The following SLC39A11 variants were observed in gnomAD, a reference collection of about 807,000 sequenced individuals.
The protein encoded by SLC39A11 is zinc transporter ZIP11.
In SLC39A11, 33 loss-of-function variants were observed where a neutral mutation model predicts 36.1. The observed-to-expected ratio is 0.91, with a 90% CI of 0.69 to 1.22. The LOEUF (loss-of-function observed/expected upper bound fraction) is 1.22. SLC39A11 is among the 50% of genes most tolerant of loss of function. The pLI, the probability that SLC39A11 is intolerant of heterozygous loss-of-function variation, is 0.00. For missense variants in SLC39A11, 432 were observed against 430.3 expected, an observed-to-expected ratio of 1.00 and a Z score of -0.03; for synonymous variants, 166 against 170.3, an observed-to-expected ratio of 0.97 and a Z score of 0.20.
At chr17:73,007,875 T>C (rs577625349) in intron 4 of SLC39A11, among the ~76,000 whole-genome samples, 55 of 152,252 alleles carry the variant, frequency 3.6e-4, no homozygotes, top group Middle Eastern at 3.4e-3. Context: ...GGCCGAGGCA[T>C]GTGGATCACC....
intron 5 of SLC39A11, among the ~76,000 whole-genome samples, chr17:72,901,491 A>G (rs1320508988): frequency 6.6e-6 from 1 of 152,172 alleles, no homozygotes; most frequent in Non-Finnish European, 1.5e-5. Context: ...TACGGTACAG[A>G]TGAAAACACC....
chr17:72,834,310 T>A (rs1286025919), intron 6 of SLC39A11, among the ~76,000 whole-genome samples: 1 of 152,172 alleles, frequency 6.6e-6, no homozygotes, highest in Non-Finnish European at 1.5e-5. Flanking sequence ...ACTATGGAAT[T>A]GGACACAGCA....
At chr17:73,053,614 G>C (rs891302013) in intron 3 of SLC39A11, among the ~76,000 whole-genome samples, 1 of 152,194 alleles carries the variant, frequency 6.6e-6, no homozygotes, top group Non-Finnish European at 1.5e-5. Flanking sequence ...GGCTTACAAA[G>C]TCTAGCTAAC....
At chr17:72,790,095 A>G (rs1179845428) in intron 6 of SLC39A11, among the ~76,000 whole-genome samples, 1 of 152,162 alleles carries the variant, frequency 6.6e-6, no homozygotes, top group Admixed American at 6.5e-5. Flanking sequence ...GCCACATTAT[A>G]GGGGAGCTGA....
In SLC39A11 at chr17:73,006,046, TGA is replaced by T. The variant is rs1461923797; in HGVS notation, c.306+25508_306+25509del. Reference sequence around the variant, plus strand: ...CCTATAGAGAGCCTGGCACCGTGCCTGAGACAGGACACACACTCCATGACTGT... The same window carrying T: ...CCTATAGAGAGCCTGGCACCGTGCCTGACAGGACACACACTCCATGACTGT... On this transcript the variant is annotated intron_variant, in intron 4 of 9. Transcript: ENST00000255559. Among the ~76,000 whole-genome samples the T allele has an allele frequency of 1.8e-4, 27 of 152,194 alleles. 1 individual carries two copies. The highest frequency in any genetic ancestry group is 5.8e-4 in the African/African-American group (24 of 41,538).
intron 5 of SLC39A11, among the ~76,000 whole-genome samples, chr17:72,923,698 T>C (rs185447307): frequency 1.0e-3 from 156 of 152,290 alleles, no homozygotes; most frequent in African/African-American, 3.6e-3. Flanking sequence ...TGGTTACTAT[T>C]AGGTCCATTT....
intron 1 of SLC39A11, among the ~76,000 whole-genome samples, chr17:73,091,392 C>T (rs572908419): frequency 8.8e-4 from 134 of 151,886 alleles, no homozygotes; most frequent in Middle Eastern, 3.4e-3. Context: ...TGCAGTGAGC[C>T]GAGATCGCGC....
chr17:72,797,386 T>A lies in SLC39A11; in HGVS notation c.601+52248A>T, dbSNP rs562789256. On this transcript the variant is annotated intron_variant, in intron 6 of 9. Coordinates refer to ENST00000255559, the MANE Select transcript of SLC39A11 (RefSeq NM_139177.4). ...TGACTAAGATAAGGAATAGAGTAACTACTGGCAGGTAAAGGCACTTGAGTG... is the reference window on the plus strand; with the variant it reads ...TGACTAAGATAAGGAATAGAGTAACAACTGGCAGGTAAAGGCACTTGAGTG... Among the ~76,000 whole-genome samples, 19 of 152,184 alleles carry A rather than the reference T, an allele frequency of 1.2e-4. 1 individual carries two copies. Among genetic ancestry groups the A allele is most frequent in the African/African-American group, 4.6e-4 (19 of 41,446 alleles).
intron 7 of SLC39A11, among the ~76,000 whole-genome samples, chr17:72,692,717 T>C (rs1460307962): frequency 6.6e-6 from 1 of 152,044 alleles, no homozygotes; most frequent in Non-Finnish European, 1.5e-5. Context: ...CCCTATCAGA[T>C]GGGGTGGGGA....
At position 72,861,676 on chromosome 17, in the gene SLC39A11, TATATATATATATAAA is replaced by T. The variant is rs2080020023; in HGVS notation, c.431-11887_431-11873del. Among the ~76,000 whole-genome samples, 3 of 120,820 alleles carry T rather than the reference TATATATATATATAAA, an allele frequency of 2.5e-5. 1 individual carries two copies. The East Asian group carries it at 8.2e-4, about 33-fold the overall frequency. 79.3% of individuals were successfully genotyped at this position (120,820 alleles called of 152,430 possible). A position where few individuals can be genotyped will look rare whatever the true frequency, so the allele number is the denominator to read the frequency against. On this transcript the variant is annotated intron_variant, in intron 5 of 9. Coordinates refer to ENST00000255559, the MANE Select transcript of SLC39A11 (RefSeq NM_139177.4). The stretch of plus-strand genomic sequence containing the variant: ...AACACATTATATATATATATATATA[TATATATATATATAAA>T]ATATATATATTGGATATATATAGGA...
chr17:72,842,058 A>T (rs1295877011), intron 6 of SLC39A11, among the ~76,000 whole-genome samples: 1 of 147,554 alleles, frequency 6.8e-6, no homozygotes, highest in African/African-American at 2.5e-5. Context: ...TGACAGAGAG[A>T]GATCTTGTCT....
At chr17:72,732,040 CTTTTT>C (rs764728558) in intron 7 of SLC39A11, among the ~76,000 whole-genome samples, 2 of 33,656 alleles carry the variant, frequency 5.9e-5, no homozygotes, top group Admixed American at 4.6e-4. Flanking sequence ...CTTTTCTTTT[CTTTTT>C]TTTTTTTTTT....
At chr17:72,999,887 C>A (rs146095177) in intron 4 of SLC39A11, among the ~76,000 whole-genome samples, 2 of 151,970 alleles carry the variant, frequency 1.3e-5, no homozygotes, top group Non-Finnish European at 1.5e-5. Context: ...ATTACAGGCA[C>A]GCGCCACCAC....
intron 4 of SLC39A11, among the ~76,000 whole-genome samples, chr17:72,959,023 T>A (rs1260785399): frequency 1.3e-5 from 2 of 152,010 alleles, no homozygotes; most frequent in African/African-American, 4.8e-5. Flanking sequence ...AAAGTAGATG[T>A]TTGCATAGAT....
chr17:72,896,192 C>CTTTTTTTTT (rs771180987), intron 5 of SLC39A11, among the ~76,000 whole-genome samples: 1 of 74,554 alleles, frequency 1.3e-5, no homozygotes, highest in Non-Finnish European at 2.4e-5. Flanking sequence ...CACATTAATC[C>CTTTTTTTTT]TTTTTTTTTT....
At chr17:73,037,079 C>T (rs892242978) in intron 3 of SLC39A11, among the ~76,000 whole-genome samples, 1 of 152,180 alleles carries the variant, frequency 6.6e-6, no homozygotes, top group Non-Finnish European at 1.5e-5. Flanking sequence ...CCTTTTAGCA[C>T]TGGATAATAT....
chr17:72,991,603 C>G (rs373338969), intron 4 of SLC39A11, among the ~76,000 whole-genome samples: 1 of 152,088 alleles, frequency 6.6e-6, no homozygotes, highest in Non-Finnish European at 1.5e-5. Flanking sequence ...AGATAATCCC[C>G]CCGCCTTGGC....
At chr17:72,675,064 C>T (rs1282219044) in intron 7 of SLC39A11, among the ~76,000 whole-genome samples, 3 of 152,094 alleles carry the variant, frequency 2.0e-5, no homozygotes, top group African/African-American at 7.2e-5. Flanking sequence ...GAACAACTGC[C>T]CCCCGCTTCC....
At chr17:73,005,276 C>A (rs2148443118) in intron 4 of SLC39A11, among the ~76,000 whole-genome samples, 1 of 152,296 alleles carries the variant, frequency 6.6e-6, no homozygotes, top group East Asian at 1.9e-4. Flanking sequence ...CCGTGCCCGG[C>A]CCACACACAC....
Sources: allele counts gnomAD v4.1 joint callset (sites outside exome capture counted in the v4.1 genomes callset), GRCh38; gene constraint gnomAD v4.1.1; transcripts MANE v1.5; gene names NCBI Gene and HGNC (gene_info 2026-07-23, HGNC 2026-07-21).